The following TENM2 variants were observed in gnomAD, a reference collection of about 807,000 sequenced individuals.
The protein encoded by TENM2 is teneurin transmembrane protein 2, also known as teneurin-2.
Under a neutral mutation model 245.2 loss-of-function variants are expected in TENM2, and 52 were observed. That is an observed-to-expected ratio of 0.21 (90% CI 0.17 to 0.27). The LOEUF is 0.27. Ranked by LOEUF, TENM2 falls within the 10% of genes least tolerant of loss-of-function variation. The pLI, the probability that TENM2 is intolerant of heterozygous loss-of-function variation, is 1.00. For synonymous variants in TENM2, 1,363 were observed against 1,438.9 expected (o/e 0.95, Z 1.19); for missense variants, 3,046 against 3,666.8 (o/e 0.83, Z 4.37).
chr5:167,151,916 G>A, the TENM2 span, among the ~76,000 whole-genome samples: 1 of 152,158 alleles, frequency 6.6e-6, no homozygotes, highest in Admixed American at 6.5e-5. Flanking sequence ...TTCACATTCA[G>A]CAGCTCCAAG....
At chr5:167,098,011 C>G in the TENM2 span, among the ~76,000 whole-genome samples, 1 of 152,060 alleles carries the variant, frequency 6.6e-6, no homozygotes, top group Non-Finnish European at 1.5e-5. Context: ...ATTTTTTCCT[C>G]CCATTTTTTC....
intron 2 of TENM2, among the ~76,000 whole-genome samples, chr5:167,590,965 A>G (rs1161047057): frequency 6.6e-6 from 1 of 152,234 alleles, no homozygotes; most frequent in Non-Finnish European, 1.5e-5. Flanking sequence ...ATATTCATCT[A>G]TCATGGGCCA....
intron 2 of TENM2, among the ~76,000 whole-genome samples, chr5:167,591,279 G>T (rs571162120): frequency 1.3e-5 from 2 of 152,280 alleles, no homozygotes; most frequent in South Asian, 2.1e-4. Context: ...ATAAAGACTT[G>T]TTTGGTTTGT....
chr5:167,110,034 T>C, the TENM2 span, among the ~76,000 whole-genome samples: 6 of 152,220 alleles, frequency 3.9e-5, no homozygotes, highest in Non-Finnish European at 8.8e-5. Flanking sequence ...ACTTTCTAAG[T>C]TGTCTCCTGT....
chr5:168,008,428 T>TA (rs1347039387), intron 5 of TENM2, among the ~76,000 whole-genome samples: 1 of 152,158 alleles, frequency 6.6e-6, no homozygotes, highest in African/African-American at 2.4e-5. Context: ...TATAATATGA[T>TA]AAAATTATGA....
At chr5:167,117,858 A>G in the TENM2 span, among the ~76,000 whole-genome samples, 1 of 150,234 alleles carries the variant, frequency 6.7e-6, no homozygotes, top group South Asian at 2.2e-4. Flanking sequence ...CATGTCCAAA[A>G]CTGTCGAATG....
At chr5:167,823,761 A>G (rs1767733491) in intron 2 of TENM2, among the ~76,000 whole-genome samples, 1 of 152,200 alleles carries the variant, frequency 6.6e-6, no homozygotes, top group Non-Finnish European at 1.5e-5. Flanking sequence ...CCCTTAAAAA[A>G]TAGTTTTAAC....
chr5:167,534,744 G>C, intron 2 of TENM2, among the ~76,000 whole-genome samples: 1 of 152,158 alleles, frequency 6.6e-6, no homozygotes, highest in Non-Finnish European at 1.5e-5. Flanking sequence ...CTGTGATGGC[G>C]TAGGGATAAC....
chr5:167,106,910 C>T, the TENM2 span, among the ~76,000 whole-genome samples: 45 of 151,840 alleles, frequency 3.0e-4, no homozygotes, highest in African/African-American at 1.0e-3. Context: ...TGTTGATATA[C>T]GCCAAAAATG....
chr5:167,835,653 G>T (rs1768917805), intron 2 of TENM2, among the ~76,000 whole-genome samples: 1 of 152,070 alleles, frequency 6.6e-6, no homozygotes, highest in Admixed American at 6.5e-5. Flanking sequence ...GAGTAGAATT[G>T]TAAGGACATG....
intron 10 of TENM2, among the ~76,000 whole-genome samples, chr5:168,122,261 C>T (rs922160561): frequency 6.6e-6 from 1 of 152,230 alleles, no homozygotes; most frequent in Non-Finnish European, 1.5e-5. Context: ...ACTGCAAGCT[C>T]CGCCTCCCGG....
At chr5:167,776,297 C>T (rs978602321) in intron 2 of TENM2, among the ~76,000 whole-genome samples, 1 of 151,384 alleles carries the variant, frequency 6.6e-6, no homozygotes, top group Non-Finnish European at 1.5e-5. Flanking sequence ...AATGTTTTAA[C>T]TTAAATATAG....
At chr5:167,465,766 G>A (rs1364446203) in intron 2 of TENM2, among the ~76,000 whole-genome samples, 1 of 152,150 alleles carries the variant, frequency 6.6e-6, no homozygotes, top group Non-Finnish European at 1.5e-5. Flanking sequence ...GGGAGGCGGA[G>A]CTTGCAGTAA....
the TENM2 span, among the ~76,000 whole-genome samples, chr5:167,045,172 A>G: frequency 6.6e-6 from 1 of 152,174 alleles, no homozygotes; most frequent in African/African-American, 2.4e-5. Flanking sequence ...GGTGGGGAAG[A>G]AGGGAGATGG....
chr5:168,238,221 GAAGAAAAGAAAA>G (rs1765721059), intron 25 of TENM2, among the ~76,000 whole-genome samples: 1 of 24,368 alleles, frequency 4.1e-5, no homozygotes, highest in African/African-American at 1.4e-4. Flanking sequence ...GAGGGAGAGA[GAAGAAAAGAAAA>G]GAAAAGAAAA....
rs1773408673 is a variant in TENM2, at chr5:167,558,764, G to A, written c.502+183291G>A. Among the ~76,000 whole-genome samples, 3 of 151,956 alleles carry A rather than the reference G, an allele frequency of 2.0e-5. No individual in the cohort carries two copies. In the South Asian group the frequency reaches 6.2e-4, roughly 32 times the overall value. On this transcript the variant is annotated intron_variant, in intron 2 of 28. Coordinates refer to ENST00000518659, the Ensembl canonical transcript of TENM2. The stretch of plus-strand genomic sequence containing the variant: ...AAATAAAGTGTACAATAAATGTAAT[G>A]TGCTTTAGTCATCCCGAAATCATCC...
intron 10 of TENM2, among the ~76,000 whole-genome samples, chr5:168,120,747 G>A (rs138278496): frequency 3.7e-4 from 57 of 152,284 alleles, no homozygotes; most frequent in African/African-American, 1.3e-3. Flanking sequence ...CAGAAAGTCT[G>A]GATCAGCACT....
At position 167,736,022 on chromosome 5, in the gene TENM2, G is replaced by A. The variant is rs549488049; in HGVS notation, c.503-139964G>A. On this transcript the variant is annotated intron_variant, in intron 2 of 28. Coordinates refer to ENST00000518659, the Ensembl canonical transcript of TENM2. Reference sequence around the variant, plus strand: ...AGTCTGTTCTCACACTGCTAATAAAGACATACCTAAGACTGAGTAATTTAT... The same window carrying A: ...AGTCTGTTCTCACACTGCTAATAAAAACATACCTAAGACTGAGTAATTTAT... Among the ~76,000 whole-genome samples, 3 of 152,244 alleles carry A rather than the reference G, an allele frequency of 2.0e-5. No individual in the cohort carries two copies. The East Asian group carries it at 5.8e-4, about 29-fold the overall frequency.
At chr5:167,900,812 A>G (rs1775636736) in intron 3 of TENM2, among the ~76,000 whole-genome samples, 1 of 142,842 alleles carries the variant, frequency 7.0e-6, no homozygotes, top group Non-Finnish European at 1.5e-5. Flanking sequence ...GGAAGCAGGA[A>G]GACTGGAGTG....
Sources: allele counts gnomAD v4.1 joint callset (sites outside exome capture counted in the v4.1 genomes callset), GRCh38; gene constraint gnomAD v4.1.1; transcripts MANE v1.5; gene names NCBI Gene and HGNC (gene_info 2026-07-23, HGNC 2026-07-21).